The following EVA1C variants were observed in gnomAD, a reference collection of about 807,000 sequenced individuals.
The protein encoded by EVA1C is protein eva-1 homolog C.
Under a neutral mutation model 45.4 loss-of-function variants are expected in EVA1C, and 25 were observed. The ratio of observed to expected loss-of-function variants is 0.55; its 90% confidence interval spans 0.40 to 0.77. The LOEUF is 0.77. Ranked by LOEUF, EVA1C falls within the 30% of genes least tolerant of loss-of-function variation. The probability of loss-of-function intolerance (pLI) is 0.00; values close to 1 mark genes in which losing one functional copy is unlikely to be tolerated. For missense variants in EVA1C, 479 were observed against 554.8 expected (o/e 0.86, Z 1.37); for synonymous variants, 190 against 221.2 (o/e 0.86, Z 1.25).
chr21:32,456,423 G>T (rs2035785777), intron 2 of EVA1C, among the ~76,000 whole-genome samples: 1 of 152,178 alleles, frequency 6.6e-6, no homozygotes, highest in Non-Finnish European at 1.5e-5. Context: ...TGACATCTGT[G>T]GGCCAAGTCA....
At chr21:32,485,388 C>T (rs561748384) in intron 4 of EVA1C, among the ~76,000 whole-genome samples, 56 of 152,232 alleles carry the variant, frequency 3.7e-4, no homozygotes, top group African/African-American at 1.3e-3. Flanking sequence ...AGGCTGGTCT[C>T]GAACTCCTGA....
chr21:32,466,838 T>A (rs202018404), intron 3 of EVA1C, among the ~76,000 whole-genome samples: 18 of 141,588 alleles, frequency 1.3e-4, no homozygotes, highest in Middle Eastern at 3.6e-3. Context: ...TTTTTTTTTT[T>A]AAATTAGAGA....
chr21:32,499,537 T>C (rs899743203), intron 5 of EVA1C, among the ~76,000 whole-genome samples: 2 of 152,212 alleles, frequency 1.3e-5, no homozygotes, highest in African/African-American at 4.8e-5. Context: ...TCTAGGAATG[T>C]CCGGTGGTTG....
Position 32,462,669 on chromosome 21 carries a change from C to T in EVA1C, c.481+4949C>T, listed in dbSNP as rs2036041814. ...CCCATGCTGGAAGGTTGTGGGTTTACTGGAATGAGGGCAAGGAACACCTGG... is the reference window on the plus strand; with the variant it reads ...CCCATGCTGGAAGGTTGTGGGTTTATTGGAATGAGGGCAAGGAACACCTGG... On this transcript the variant is annotated intron_variant, in intron 3 of 7. Transcript: ENST00000300255. Among the ~76,000 whole-genome samples the T allele has an allele frequency of 1.3e-5, 2 of 152,210 alleles. 1 individual carries two copies. Among genetic ancestry groups the T allele is most frequent in the Admixed American group, 1.3e-4 (2 of 15,284 alleles).
chr21:32,485,774 C>A (rs1253824646), intron 4 of EVA1C, among the ~76,000 whole-genome samples: 1 of 152,236 alleles, frequency 6.6e-6, no homozygotes, highest in Non-Finnish European at 1.5e-5. Flanking sequence ...GCACACACTA[C>A]CACCAAACAC....
chr21:32,501,120 C>T (rs1465999436), intron 5 of EVA1C, among the ~76,000 whole-genome samples: 3 of 152,046 alleles, frequency 2.0e-5, no homozygotes, highest in East Asian at 1.9e-4. Context: ...GCCTTCATTC[C>T]GTTTTATTAT....
chr21:32,463,746 A>C (rs967109497), intron 3 of EVA1C, among the ~76,000 whole-genome samples: 1 of 152,262 alleles, frequency 6.6e-6, no homozygotes, highest in East Asian at 1.9e-4. Flanking sequence ...AAAACAAAAA[A>C]AAAACCTCTT....
chr21:32,435,240 A>C (rs2146180859), intron 1 of EVA1C, among the ~76,000 whole-genome samples: 4 of 151,496 alleles, frequency 2.6e-5, no homozygotes, highest in Middle Eastern at 3.4e-3. Context: ...GTGGGGGGGA[A>C]ATGGGGTCTC....
At chr21:32,469,434 G>T (rs2036295060) in intron 4 of EVA1C, among the ~76,000 whole-genome samples, 1 of 152,168 alleles carries the variant, frequency 6.6e-6, no homozygotes, top group Admixed American at 6.5e-5. Flanking sequence ...AACGCCCTGA[G>T]GCTGGACTGT....
chr21:32,429,012 T>A (rs2034593140), intron 1 of EVA1C, among the ~76,000 whole-genome samples: 1 of 147,028 alleles, frequency 6.8e-6, no homozygotes, highest in South Asian at 2.1e-4. Flanking sequence ...CTCAATTTAT[T>A]TTTATTTATT....
intron 3 of EVA1C, among the ~76,000 whole-genome samples, chr21:32,466,499 A>G (rs1206513500): frequency 6.8e-6 from 1 of 147,942 alleles, no homozygotes; most frequent in African/African-American, 2.5e-5. Context: ...TTTAAAAAAA[A>G]AAATAAACTG....
intron 4 of EVA1C, among the ~76,000 whole-genome samples, chr21:32,484,687 C>G (rs767537912): frequency 1.4e-4 from 21 of 152,134 alleles, no homozygotes; most frequent in Non-Finnish European, 2.4e-4. Context: ...TTTCTCTGGC[C>G]CCTTTTTCTC....
intron 5 of EVA1C, chr21:32,496,666 A>G (rs1248089737): frequency 1.5e-5 from 8 of 547,840 alleles, no homozygotes; most frequent in South Asian, 2.1e-5. Flanking sequence ...CACGGGTCAC[A>G]CTGAGGTTCC....
intron 7 of EVA1C, among the ~76,000 whole-genome samples, chr21:32,510,334 T>A (rs574663659): frequency 2.7e-4 from 41 of 152,014 alleles, no homozygotes; most frequent in Non-Finnish European, 5.6e-4. Flanking sequence ...GAATTACAGG[T>A]GTGAGCCACC....
At chr21:32,430,789 A>G (rs1601232419) in intron 1 of EVA1C, among the ~76,000 whole-genome samples, 2 of 152,018 alleles carry the variant, frequency 1.3e-5, no homozygotes, top group East Asian at 3.9e-4. Flanking sequence ...CCTGGCCAAC[A>G]TGTTGAAACC....
rs1341573868 is a variant in EVA1C, at chr21:32,457,646, A to G, written c.407A>G (p.Asn136Ser). The stretch of plus-strand genomic sequence containing the variant: ...CAGCGGGCCTGCCACCTCCTGGTCA[A>G]TAGCCGTGTTTTTGGACCTGACCTT... ...QNQRACHLLV[N>S]SRVFGPDLCP... Residue 136 changes from asparagine (N) to serine (S), a missense_variant, in exon 3 of 8, where the codon AAT (asparagine) becomes AGT (serine). Around this residue, in one of 3 missense-constraint regions of EVA1C, gnomAD observed 366 missense variants for 426.1 expected, o/e 0.86. Transcript: ENST00000300255. 3 of 1,614,166 alleles carry G rather than the reference A, an allele frequency of 1.9e-6. No individual in the cohort carries two copies. The highest frequency in any genetic ancestry group is 2.5e-6 in the Non-Finnish European group (3 of 1,179,996).
chr21:32,505,056 T>C (rs2037681611), intron 7 of EVA1C, among the ~76,000 whole-genome samples: 1 of 151,974 alleles, frequency 6.6e-6, no homozygotes, highest in African/African-American at 2.4e-5. Context: ...CAGAACAGCA[T>C]GGGAAAGACC....
chr21:32,459,441 G>C (rs569067326), intron 3 of EVA1C, among the ~76,000 whole-genome samples: 1 of 152,154 alleles, frequency 6.6e-6, no homozygotes, highest in Admixed American at 6.5e-5. Context: ...TCTCACAGAC[G>C]ACTGTGTCAT....
intron 1 of EVA1C, among the ~76,000 whole-genome samples, chr21:32,424,035 G>A (rs2034394756): frequency 6.6e-6 from 1 of 152,150 alleles, no homozygotes; most frequent in Non-Finnish European, 1.5e-5. Context: ...GCATTCCTTT[G>A]ATGATTACAA....
Sources: allele counts gnomAD v4.1 joint callset (sites outside exome capture counted in the v4.1 genomes callset), GRCh38; gene constraint gnomAD v4.1.1; regional missense constraint gnomAD v4.1.1; transcripts MANE v1.5; gene names NCBI Gene and HGNC (gene_info 2026-07-23, HGNC 2026-07-21).